The following KLHL29 variants were observed in gnomAD, a reference collection of about 807,000 sequenced individuals.
KLHL29 encodes the protein kelch-like protein 29.
In KLHL29, 21 loss-of-function variants were observed where a neutral mutation model predicts 80.4. The ratio of observed to expected loss-of-function variants is 0.26; its 90% CI spans 0.19 to 0.38. The LOEUF (loss-of-function observed/expected upper bound fraction) is 0.38, where lower values mean the gene tolerates loss of function less well. Ranked by LOEUF, KLHL29 falls within the 10% of genes least tolerant of loss-of-function variation. The pLI, the probability that KLHL29 is intolerant of heterozygous loss-of-function variation, is 1.00. For synonymous variants in KLHL29, 511 were observed against 526.8 expected (o/e 0.97, Z 0.41); for missense variants, 867 against 1,223.9 (o/e 0.71, Z 4.35).
intron 3 of KLHL29, among the ~76,000 whole-genome samples, chr2:23,598,395 C>T (rs1668481434): frequency 6.6e-6 from 1 of 152,156 alleles, no homozygotes. Context: ...TTGCCTCAAG[C>T]AAAAAGGAAA....
chr2:23,505,460 G>A (rs542024439), intron 2 of KLHL29, among the ~76,000 whole-genome samples: 141 of 152,302 alleles, frequency 9.3e-4, no homozygotes, highest in African/African-American at 3.2e-3. Context: ...CAGGTGTGCC[G>A]CTTCTCCCCT....
intron 3 of KLHL29, among the ~76,000 whole-genome samples, chr2:23,599,509 T>C (rs1668514421): frequency 6.6e-6 from 1 of 150,938 alleles, no homozygotes; most frequent in South Asian, 2.1e-4. Flanking sequence ...TAAATATTTT[T>C]CTATATTACA....
At chr2:23,676,421 A>G (rs977104515) in intron 5 of KLHL29, among the ~76,000 whole-genome samples, 2 of 152,124 alleles carry the variant, frequency 1.3e-5, no homozygotes, top group Admixed American at 1.3e-4. Context: ...TGACCTCGTG[A>G]TCTGCCCGCC....
rs544055504 is a variant in KLHL29, at chr2:23,548,590, C to T, written c.-45-13562C>T. The stretch of plus-strand genomic sequence containing the variant: ...GCCAGTGTGCGATGCGCCAACCCAT[C>T]TCTCCTTTTGCCACAGTGGCCAGTC... On this transcript the variant is annotated intron_variant, in intron 2 of 13. Coordinates refer to ENST00000486442, the MANE Select transcript of KLHL29 (RefSeq NM_052920.2). 2.0e-5 allele frequency among the ~76,000 whole-genome samples: 3 copies of T among 152,350 alleles called. No individual in the cohort carries two copies. In the South Asian group the frequency reaches 6.2e-4, roughly 32 times the overall value.
chr2:23,537,439 C>G (rs201998948), intron 2 of KLHL29, among the ~76,000 whole-genome samples: 6 of 11,776 alleles, frequency 5.1e-4, no homozygotes, highest in Admixed American at 2.3e-3. Context: ...CACACACACA[C>G]ACACACACAC....
chr2:23,470,307 G>C (rs1437250485), intron 1 of KLHL29, among the ~76,000 whole-genome samples: 1 of 152,164 alleles, frequency 6.6e-6, no homozygotes, highest in Non-Finnish European at 1.5e-5. Context: ...ACTCCAGAGA[G>C]TGCAGAAAGA....
intron 1 of KLHL29, among the ~76,000 whole-genome samples, chr2:23,391,883 C>T (rs996665565): frequency 1.3e-5 from 2 of 152,196 alleles, no homozygotes; most frequent in Non-Finnish European, 1.5e-5. Flanking sequence ...TATGCATTTC[C>T]TCCCGAGTGT....
chr2:23,588,558 T>C (rs997278435), intron 3 of KLHL29, among the ~76,000 whole-genome samples: 1 of 152,180 alleles, frequency 6.6e-6, no homozygotes, highest in Non-Finnish European at 1.5e-5. Context: ...CCAGATCCAG[T>C]GTGGTGCTTC....
intron 2 of KLHL29, among the ~76,000 whole-genome samples, chr2:23,527,464 A>G (rs1334579241): frequency 6.6e-6 from 1 of 152,190 alleles, no homozygotes; most frequent in Non-Finnish European, 1.5e-5. Flanking sequence ...TGGAGCCCAG[A>G]GCAGGGAAGG....
chr2:23,495,419 T>TG (rs895373777), intron 2 of KLHL29, among the ~76,000 whole-genome samples: 27 of 152,200 alleles, frequency 1.8e-4, no homozygotes, highest in African/African-American at 5.8e-4. Context: ...GTGTTGAGGT[T>TG]GTGTCTTCTG....
chr2:23,621,053 C>T (rs1268812467), intron 3 of KLHL29, among the ~76,000 whole-genome samples: 2 of 152,236 alleles, frequency 1.3e-5, no homozygotes, highest in African/African-American at 4.8e-5. Context: ...ACACTTCCAC[C>T]GCAGGAACAT....
intron 1 of KLHL29, among the ~76,000 whole-genome samples, chr2:23,419,288 C>T (rs1662710875): frequency 6.6e-6 from 1 of 152,210 alleles, no homozygotes; most frequent in South Asian, 2.1e-4. Context: ...TGTTTCTCTC[C>T]CTCTCTTGAG....
At chr2:23,518,251 C>T (rs1319174479) in intron 2 of KLHL29, among the ~76,000 whole-genome samples, 2 of 152,170 alleles carry the variant, frequency 1.3e-5, no homozygotes, top group Admixed American at 6.5e-5. Flanking sequence ...CTGTAAATGT[C>T]GCCTAACAGT....
chr2:23,649,588 C>T lies in KLHL29; in HGVS notation c.940+6738C>T, dbSNP rs76862380. 1.1e-3 allele frequency among the ~76,000 whole-genome samples: 170 copies of T among 152,366 alleles called. 1 individual carries two copies. The East Asian group carries it at 0.027, about 24-fold the overall frequency. On this transcript the variant is annotated intron_variant, in intron 5 of 13. Transcript: ENST00000486442. ...TCAGCAGGGCACAGGCAGAGAGAAC[C>T]ACCCTGGACCCTCTCTCCACGGGGC...
chr2:23,445,492 C>A (rs1200051561), intron 1 of KLHL29, among the ~76,000 whole-genome samples: 1 of 152,184 alleles, frequency 6.6e-6, no homozygotes, highest in East Asian at 1.9e-4. Flanking sequence ...TGTGGCTACC[C>A]CGGAAGGGAT....
chr2:23,580,850 C>T (rs1226204603), intron 3 of KLHL29, among the ~76,000 whole-genome samples: 4 of 139,862 alleles, frequency 2.9e-5, no homozygotes, highest in South Asian at 2.7e-4. Context: ...TGGTGGCAGG[C>T]GCCTGTAGTC....
chr2:23,400,910 C>T (rs2103388573), intron 1 of KLHL29, among the ~76,000 whole-genome samples: 1 of 152,344 alleles, frequency 6.6e-6, no homozygotes, highest in East Asian at 1.9e-4. Flanking sequence ...GCTACCTGGA[C>T]ATGATGCAAT....
intron 5 of KLHL29, among the ~76,000 whole-genome samples, chr2:23,670,943 T>C (rs1190022662): frequency 6.6e-5 from 1 of 15,094 alleles, no homozygotes; most frequent in African/African-American, 1.6e-4. Context: ...TCTCTCTCTC[T>C]CTCTCTCTCT....
intron 13 of KLHL29, among the ~76,000 whole-genome samples, chr2:23,705,009 G>A (rs1012364468): frequency 1.3e-5 from 2 of 152,214 alleles, no homozygotes. Flanking sequence ...TGAAACAGGC[G>A]GTTGGACCAG....
Sources: allele counts gnomAD v4.1 joint callset (sites outside exome capture counted in the v4.1 genomes callset), GRCh38; gene constraint gnomAD v4.1.1; transcripts MANE v1.5; gene names NCBI Gene and HGNC (gene_info 2026-07-23, HGNC 2026-07-21).